Variants in TAFA4 observed in about 807,000 individuals in gnomAD.
TAFA4 encodes TAFA chemokine like family member 4.
TAFA4 carries 20 observed loss-of-function variants against 21.1 expected under a neutral mutation model. The ratio of observed to expected loss-of-function variants is 0.95; its 90% confidence interval spans 0.67 to 1.38. The LOEUF (loss-of-function observed/expected upper bound fraction) is 1.38, where lower values mean the gene tolerates loss of function less well. Among genes scored for constraint, TAFA4 ranks in the 40% most tolerant of loss-of-function variants. The pLI, the probability that TAFA4 is intolerant of heterozygous loss-of-function variation, is 0.00. For missense variants in TAFA4, 211 were observed against 180.9 expected (o/e 1.17, Z -0.95); for synonymous variants, 71 against 67.4 (o/e 1.05, Z -0.26).
intron 1 of TAFA4, among the ~76,000 whole-genome samples, chr3:68,889,720 G>C (rs2106963274): frequency 6.6e-6 from 1 of 152,260 alleles, no homozygotes; most frequent in Middle Eastern, 3.4e-3. Flanking sequence ...ACTCAAATTG[G>C]AGCAACATCC....
chr3:68,913,584 C>T (rs922984776), intron 1 of TAFA4: 1 of 152,206 alleles, frequency 6.6e-6, no homozygotes, highest in African/African-American at 2.4e-5. Flanking sequence ...AAAGCAGAGC[C>T]TTTCAAGCTG....
chr3:68,763,332 A>C (rs2106770228), intron 3 of TAFA4, among the ~76,000 whole-genome samples: 1 of 152,288 alleles, frequency 6.6e-6, no homozygotes, highest in South Asian at 2.1e-4. Context: ...GCCATGTAGC[A>C]AAATCCAGTC....
At chr3:68,898,427 C>T (rs1211274913) in intron 1 of TAFA4, among the ~76,000 whole-genome samples, 4 of 152,272 alleles carry the variant, frequency 2.6e-5, no homozygotes, top group African/African-American at 4.8e-5. Flanking sequence ...CCAAGGTGGG[C>T]GGATCACCTG....
chr3:68,864,074 A>G lies in TAFA4; in HGVS notation c.130+16656T>C, dbSNP rs542793621. Among the ~76,000 whole-genome samples, 162 of 152,238 alleles carry G rather than the reference A, an allele frequency of 1.1e-3. 1 individual carries two copies. Among genetic ancestry groups the G allele is most frequent in the African/African-American group, 3.6e-3 (149 of 41,570 alleles). ...ATATTTCTAAGACACCGAAAGTAAA[A>G]TACATAAAAGAACAAACTAGTATAT... is the stretch of plus-strand genomic sequence containing the variant. On this transcript the variant is annotated intron_variant, in intron 3 of 5. Coordinates refer to ENST00000295569, the MANE Select transcript of TAFA4 (RefSeq NM_182522.5).
chr3:68,770,930 C>T (rs917266763), intron 3 of TAFA4, among the ~76,000 whole-genome samples: 7 of 152,158 alleles, frequency 4.6e-5, no homozygotes, highest in Non-Finnish European at 1.0e-4. Context: ...AGCCTGAGCT[C>T]TAGAGGGCAC....
intron 3 of TAFA4, among the ~76,000 whole-genome samples, chr3:68,860,073 G>A (rs975182683): frequency 6.6e-6 from 1 of 152,050 alleles, no homozygotes; most frequent in African/African-American, 2.4e-5. Flanking sequence ...CTAAGATATT[G>A]TTAATTATAA....
chr3:68,870,977 T>G (rs946752287), intron 3 of TAFA4, among the ~76,000 whole-genome samples: 5 of 152,138 alleles, frequency 3.3e-5, no homozygotes, highest in African/African-American at 4.8e-5. Flanking sequence ...CTTTATCCAG[T>G]CTATCACTGA....
chr3:68,883,764 T>C (rs1177829325), intron 2 of TAFA4, among the ~76,000 whole-genome samples: 1 of 152,106 alleles, frequency 6.6e-6, no homozygotes, highest in Non-Finnish European at 1.5e-5. Context: ...TTTTTTATTG[T>C]TTATACTATT....
At chr3:68,809,585 T>C (rs912640461) in intron 3 of TAFA4, among the ~76,000 whole-genome samples, 1 of 151,828 alleles carries the variant, frequency 6.6e-6, no homozygotes, top group Non-Finnish European at 1.5e-5. Flanking sequence ...TTTTTCTATT[T>C]TTTCTTTTGT....
chr3:68,918,967 C>T (rs7641528), intron 1 of TAFA4, among the ~76,000 whole-genome samples: 1,547 of 152,276 alleles, frequency 0.01, 28 homozygotes, highest in African/African-American at 0.035. Context: ...TTCCTGTATA[C>T]CAAGAGTAAA....
chr3:68,761,283 T>G (rs1702751144), intron 3 of TAFA4, among the ~76,000 whole-genome samples: 1 of 152,214 alleles, frequency 6.6e-6, no homozygotes, highest in Non-Finnish European at 1.5e-5. Context: ...AATAATTATT[T>G]GCTAAATATT....
At chr3:68,738,433 CAGCAGTCT>C (rs1215784956) in intron 5 of TAFA4, among the ~76,000 whole-genome samples, 3 of 152,004 alleles carry the variant, frequency 2.0e-5, no homozygotes, top group South Asian at 2.1e-4. Context: ...GACTGGAAGG[CAGCAGTCT>C]AGCAGTCTAG....
At chr3:68,779,607 C>T (rs1703117193) in intron 3 of TAFA4, among the ~76,000 whole-genome samples, 1 of 152,150 alleles carries the variant, frequency 6.6e-6, no homozygotes, top group South Asian at 2.1e-4. Flanking sequence ...GGGTTGAAGC[C>T]CCACGACTTG....
At chr3:68,805,258 C>T (rs1350730490) in intron 3 of TAFA4, among the ~76,000 whole-genome samples, 1 of 152,118 alleles carries the variant, frequency 6.6e-6, no homozygotes, top group Non-Finnish European at 1.5e-5. Flanking sequence ...AATGAGATAC[C>T]ATCTCACACC....
rs569310784 is a variant in TAFA4 at position 68,821,941 on chromosome 3, A to G, written c.130+58789T>C. 2.6e-5 allele frequency among the ~76,000 whole-genome samples: 4 copies of G among 152,318 alleles called. No individual in the cohort carries two copies. In the East Asian group the frequency reaches 7.7e-4, roughly 29 times the overall value. On this transcript the variant is annotated intron_variant, in intron 3 of 5. Coordinates refer to ENST00000295569, the MANE Select transcript of TAFA4 (RefSeq NM_182522.5). ...AGGTATTTGCAAATGCTTCTCCGGT[A>G]ATTCTGCAATGGAAACCGCCTGTAG...
At chr3:68,801,349 C>A (rs1484075361) in intron 3 of TAFA4, among the ~76,000 whole-genome samples, 1 of 152,136 alleles carries the variant, frequency 6.6e-6, no homozygotes, top group Non-Finnish European at 1.5e-5. Flanking sequence ...GCTCTAGAAT[C>A]CCTGTGAATT....
At chr3:68,813,782 T>A (rs564942992) in intron 3 of TAFA4, among the ~76,000 whole-genome samples, 1 of 151,876 alleles carries the variant, frequency 6.6e-6, no homozygotes. Flanking sequence ...TTCCAATCAA[T>A]AGAAAAAGAG....
At chr3:68,741,835 C>G (rs1559755346) in intron 4 of TAFA4, among the ~76,000 whole-genome samples, 1 of 152,058 alleles carries the variant, frequency 6.6e-6, no homozygotes, top group African/African-American at 2.4e-5. Context: ...ACTTTCTCTT[C>G]CAAAGAATCG....
chr3:68,866,678 A>AAAT (rs2089424321), intron 3 of TAFA4, among the ~76,000 whole-genome samples: 1 of 123,748 alleles, frequency 8.1e-6, no homozygotes, highest in Non-Finnish European at 1.7e-5. Context: ...AAAAAAAAAA[A>AAAT]CTCTGCAAAC....
Sources: gnomAD v4.1 joint callset for allele counts (sites outside exome capture counted in the v4.1 genomes callset) on GRCh38, gnomAD v4.1.1 for gene constraint, MANE v1.5 for transcripts, NCBI Gene and HGNC (gene_info 2026-07-23, HGNC 2026-07-21) for gene names.